The following SHB variants were observed in gnomAD, a reference collection of about 807,000 sequenced individuals.
The protein encoded by SHB is SH2 domain-containing adapter protein B.
A neutral mutation model predicts 52.3 loss-of-function variants in SHB; 20 were observed. The ratio of observed to expected loss-of-function variants is 0.38; its 90% CI spans 0.27 to 0.56. The LOEUF is 0.56. Ranked by LOEUF, SHB falls within the 20% of genes least tolerant of loss-of-function variation. SHB has a pLI of 0.71. For missense variants in SHB, 825 were observed against 723.3 expected, an observed-to-expected ratio of 1.14 and a Z score of -1.61; for synonymous variants, 397 against 316.5, an observed-to-expected ratio of 1.25 and a Z score of -2.70.
At chr9:38,012,687 T>C (rs150565536) in intron 2 of SHB, among the ~76,000 whole-genome samples, 307 of 151,772 alleles carry the variant, frequency 2.0e-3, no homozygotes, top group African/African-American at 6.8e-3. Context: ...GACCATCCCA[T>C]ATCTGCTTGA....
chr9:37,970,695 C>T (rs1820581767), intron 3 of SHB, among the ~76,000 whole-genome samples: 1 of 152,090 alleles, frequency 6.6e-6, no homozygotes, highest in African/African-American at 2.4e-5. Context: ...GACTGACCTC[C>T]CAGGACACGC....
chr9:38,023,036 G>A (rs989773675), intron 1 of SHB, among the ~76,000 whole-genome samples: 2 of 152,236 alleles, frequency 1.3e-5, no homozygotes, highest in African/African-American at 4.8e-5. Flanking sequence ...CCCAAGCAGA[G>A]CCCTGGCTTT....
At chr9:38,010,549 C>A (rs1173035972) in intron 2 of SHB, among the ~76,000 whole-genome samples, 1 of 152,186 alleles carries the variant, frequency 6.6e-6, no homozygotes, top group Non-Finnish European at 1.5e-5. Context: ...CAAGCTTTTC[C>A]CTCGGCCTGG....
At chr9:38,062,749 T>C (rs900351273) in intron 1 of SHB, among the ~76,000 whole-genome samples, 1 of 152,224 alleles carries the variant, frequency 6.6e-6, no homozygotes, top group African/African-American at 2.4e-5. Context: ...TTGGCTATAA[T>C]AAAACCTTAT....
intron 1 of SHB, among the ~76,000 whole-genome samples, chr9:38,052,393 G>C (rs78338683): frequency 6.6e-6 from 1 of 152,144 alleles, no homozygotes; most frequent in Non-Finnish European, 1.5e-5. Context: ...TGTTCCGTCC[G>C]GCTCTGACAG....
intron 3 of SHB, among the ~76,000 whole-genome samples, chr9:37,959,210 T>G (rs1832668522): frequency 6.6e-6 from 1 of 152,120 alleles, no homozygotes; most frequent in South Asian, 2.1e-4. Context: ...GGATAACTGC[T>G]GTGTGATGCC....
chr9:37,966,658 A>G (rs189388472), intron 3 of SHB, among the ~76,000 whole-genome samples: 77 of 152,334 alleles, frequency 5.1e-4, no homozygotes, highest in Admixed American at 3.9e-3. Flanking sequence ...CTGGGAAGCT[A>G]TACAGGGGAC....
intron 1 of SHB, among the ~76,000 whole-genome samples, chr9:38,053,118 A>G (rs1821772067): frequency 6.6e-6 from 1 of 152,116 alleles, no homozygotes; most frequent in South Asian, 2.1e-4. Flanking sequence ...TGTCCCTTGC[A>G]TCTGTGTAAC....
chr9:38,039,029 C>T (rs970019307), intron 1 of SHB, among the ~76,000 whole-genome samples: 1 of 152,230 alleles, frequency 6.6e-6, no homozygotes, highest in African/African-American at 2.4e-5. Context: ...TGACGCTTAT[C>T]GCTTATCAGG....
chr9:37,986,135 G>A (rs1314485815), intron 2 of SHB, among the ~76,000 whole-genome samples: 1 of 152,170 alleles, frequency 6.6e-6, no homozygotes, highest in African/African-American at 2.4e-5. Context: ...AGAATCTCAA[G>A]TCCTGATGCA....
At chr9:37,950,111 A>T (rs1832547663) in intron 4 of SHB, among the ~76,000 whole-genome samples, 1 of 151,900 alleles carries the variant, frequency 6.6e-6, no homozygotes, top group African/African-American at 2.4e-5. Flanking sequence ...GCTATTTTAA[A>T]ATCTTTTCTA....
intron 2 of SHB, chr9:38,015,328 G>A (rs1821195873): frequency 1.5e-6 from 1 of 677,106 alleles, no homozygotes; most frequent in Admixed American, 2.1e-5. Flanking sequence ...GATGCTCCAA[G>A]TCTTGTATTA....
intron 2 of SHB, among the ~76,000 whole-genome samples, chr9:37,975,953 C>A (rs548803673): frequency 6.6e-6 from 1 of 152,150 alleles, no homozygotes; most frequent in African/African-American, 2.4e-5. Context: ...CAAGCCAATG[C>A]GATGAGGCTG....
In SHB at chr9:38,067,912, G is replaced by A. The variant is rs1821991441; in HGVS notation, c.717+17C>T. The A allele has an allele frequency of 1.3e-6, 2 of 1,481,622 alleles. No homozygotes were observed. Among genetic ancestry groups the A allele is most frequent in the South Asian group, 2.6e-5 (2 of 75,476 alleles). The allele number at this position is 1,481,622 out of a possible 1,614,324, so 91.8% of individuals were successfully genotyped here. On this transcript the variant is annotated intron_variant, in intron 1 of 5. Coordinates refer to ENST00000377707, the MANE Select transcript of SHB (RefSeq NM_003028.3). ...CGTGGCTCTGGAACCTCGGGAAGAG[G>A]CCAAGGGGCACCTTACCTTGTCCTT... is the stretch of plus-strand genomic sequence containing the variant.
At chr9:37,923,596 C>T (rs530118492) in intron 5 of SHB, among the ~76,000 whole-genome samples, 1 of 152,304 alleles carries the variant, frequency 6.6e-6, no homozygotes, top group African/African-American at 2.4e-5. Context: ...TGCCATCTAA[C>T]AGTTGAAGAT....
At chr9:38,061,453 T>C (rs988060306) in intron 1 of SHB, among the ~76,000 whole-genome samples, 1 of 152,218 alleles carries the variant, frequency 6.6e-6, no homozygotes, top group African/African-American at 2.4e-5. Flanking sequence ...GTTTATTTTC[T>C]AGGGCCAAGC....
intron 2 of SHB, among the ~76,000 whole-genome samples, chr9:37,999,631 T>G (rs1017045277): frequency 6.6e-6 from 1 of 152,098 alleles, no homozygotes; most frequent in Admixed American, 6.5e-5. Flanking sequence ...TGACAGAGAC[T>G]GGGGACAAAC....
Position 37,948,723 on chromosome 9 carries a change from C to T in SHB, c.1258G>A (p.Ala420Thr), listed in dbSNP as rs778794079. 10 of 1,613,912 alleles carry T rather than the reference C, an allele frequency of 6.2e-6. No individual in the cohort carries two copies. Among genetic ancestry groups the T allele is most frequent in the Non-Finnish European group, 7.6e-6 (9 of 1,180,026 alleles). ...TTGCAGAGTCGCAGCAGGTTCTCGGCGTCTCCTCTGCTGATGGCTCCGTGA... is the reference window on the plus strand; with the variant it reads ...TTGCAGAGTCGCAGCAGGTTCTCGGTGTCTCCTCTGCTGATGGCTCCGTGA... ...WYHGAISRGD[A>T]ENLLRLCKEC... The change falls in exon 5 of 6, where the codon GCC (alanine) becomes ACC (threonine). Residue 420 changes from alanine to threonine, a missense_variant. Coordinates refer to ENST00000377707, the MANE Select transcript of SHB (RefSeq NM_003028.3).
intron 1 of SHB, among the ~76,000 whole-genome samples, chr9:38,046,809 G>A (rs928921246): frequency 2.0e-5 from 3 of 152,224 alleles, no homozygotes; most frequent in African/African-American, 7.2e-5. Flanking sequence ...AGGCCTGACA[G>A]TAAAAATCCC....
Sources: allele counts gnomAD v4.1 joint callset (sites outside exome capture counted in the v4.1 genomes callset), GRCh38; gene constraint gnomAD v4.1.1; transcripts MANE v1.5; gene names NCBI Gene and HGNC (gene_info 2026-07-23, HGNC 2026-07-21).